FLRT1: variants seen among roughly 807,000 people sequenced by gnomAD.
FLRT1 encodes the protein fibronectin leucine rich transmembrane protein 1.
A neutral mutation model predicts 30.9 loss-of-function variants in FLRT1; 14 were observed. The observed-to-expected ratio is 0.45, with a 90% CI of 0.30 to 0.71. FLRT1 has a LOEUF of 0.71. FLRT1 is among the 30% of genes least tolerant of loss of function. The pLI, the probability that FLRT1 is intolerant of heterozygous loss-of-function variation, is 0.08. For synonymous variants in FLRT1, 368 were observed against 430.4 expected, an observed-to-expected ratio of 0.85 and a Z score of 1.80; for missense variants, 737 against 949.2, an observed-to-expected ratio of 0.78 and a Z score of 2.94.
chr11:64,051,648 T>G (rs1395504896), intron 1 of FLRT1, among the ~76,000 whole-genome samples: 1 of 152,180 alleles, frequency 6.6e-6, no homozygotes, highest in East Asian at 1.9e-4. Context: ...TGGCAGTGTG[T>G]ACATCAGCCC....
intron 2 of FLRT1, among the ~76,000 whole-genome samples, chr11:64,111,680 G>A (rs575045306): frequency 6.6e-6 from 1 of 152,300 alleles, no homozygotes; most frequent in East Asian, 1.9e-4. Flanking sequence ...TCTGGCCAGA[G>A]AGGTCACCCC....
chr11:64,052,454 A>G (rs949943086), intron 1 of FLRT1, among the ~76,000 whole-genome samples: 11 of 152,194 alleles, frequency 7.2e-5, no homozygotes, highest in African/African-American at 2.7e-4. Flanking sequence ...TGCTGGGACT[A>G]CAGGGGCAGG....
intron 1 of FLRT1, among the ~76,000 whole-genome samples, chr11:64,094,760 A>G (rs569047086): frequency 6.6e-6 from 1 of 152,360 alleles, no homozygotes; most frequent in African/African-American, 2.4e-5. Flanking sequence ...ACCAGGATTT[A>G]GAAAGTCACC....
chr11:64,036,332 T>A lies in FLRT1; in HGVS notation c.-1038+173T>A, dbSNP rs1181723213. On this transcript the variant is annotated intron_variant, in intron 1 of 2. Coordinates refer to ENST00000682287, the MANE Select transcript of FLRT1 (RefSeq NM_013280.5). This position sits in a 1 kb window ranked among gnomAD's most constrained non-coding sequence, Gnocchi z 5.6. The stretch of plus-strand genomic sequence containing the variant: ...GACGCCCAGCCTTTGGGATTTGGGG[T>A]GGGGGTCCCTGAGTCAAGAGCCAAG... Among the ~76,000 whole-genome samples the A allele has an allele frequency of 6.6e-6, 1 of 151,732 alleles. No homozygotes were observed.
intron 1 of FLRT1, among the ~76,000 whole-genome samples, chr11:64,085,147 A>G (rs947656366): frequency 2.6e-5 from 4 of 152,174 alleles, no homozygotes; most frequent in African/African-American, 9.6e-5. Flanking sequence ...GGTTCTGGGC[A>G]GAGGATGGGG....
chr11:64,036,423 C>A lies in FLRT1; in HGVS notation c.-1038+264C>A, dbSNP rs530061759. ...GGGGTGCGCGGCCGGCGGCTCAGCT[C>A]TCCCGAGCCGAGGCTGGAAAGGGCG... is the stretch of plus-strand genomic sequence containing the variant. On this transcript the variant is annotated intron_variant, in intron 1 of 2. Coordinates refer to ENST00000682287, the MANE Select transcript of FLRT1 (RefSeq NM_013280.5). This position sits in a 1 kb window ranked among gnomAD's most constrained non-coding sequence, Gnocchi z 5.6. Among the ~76,000 whole-genome samples the A allele has an allele frequency of 6.6e-6, 1 of 152,168 alleles. No homozygotes were observed. Among genetic ancestry groups the A allele is most frequent in the Non-Finnish European group, 1.5e-5 (1 of 68,008 alleles).
At chr11:64,041,591 A>T (rs139699193) in intron 1 of FLRT1, among the ~76,000 whole-genome samples, 5 of 151,162 alleles carry the variant, frequency 3.3e-5, no homozygotes. Flanking sequence ...GAACAGATGA[A>T]TGAATGGAAA....
chr11:64,086,295 T>G (rs901847595), intron 1 of FLRT1, among the ~76,000 whole-genome samples: 2 of 151,822 alleles, frequency 1.3e-5, no homozygotes. Context: ...TTAGGAGGCG[T>G]AAAGTGCATA....
intron 1 of FLRT1, among the ~76,000 whole-genome samples, chr11:64,097,579 ACT>A (rs752956585): frequency 1.6e-4 from 24 of 152,136 alleles, no homozygotes; most frequent in South Asian, 4.1e-4. Context: ...TGGCTCGCAC[ACT>A]CTCGCAAATA....
intron 1 of FLRT1, among the ~76,000 whole-genome samples, chr11:64,043,892 A>G (rs1590830468): frequency 6.6e-6 from 1 of 151,100 alleles, no homozygotes; most frequent in Admixed American, 6.6e-5. Flanking sequence ...GCTCACAGCA[A>G]CCTCTGTCTG....
At chr11:64,077,719 CAG>C (rs967766084) in intron 1 of FLRT1, among the ~76,000 whole-genome samples, 4 of 152,234 alleles carry the variant, frequency 2.6e-5, no homozygotes, top group East Asian at 1.9e-4. Flanking sequence ...AAACAGGTCT[CAG>C]GGGGTCACTA....
intron 1 of FLRT1, among the ~76,000 whole-genome samples, chr11:64,076,443 TG>T (rs1944202411): frequency 1.3e-5 from 2 of 151,714 alleles, no homozygotes; most frequent in Non-Finnish European, 2.9e-5. Context: ...ACTGGATGGA[TG>T]GATGGACGGA....
At chr11:64,040,482 A>G (rs1336245626) in intron 1 of FLRT1, among the ~76,000 whole-genome samples, 4 of 152,080 alleles carry the variant, frequency 2.6e-5, no homozygotes, top group Admixed American at 2.6e-4. Flanking sequence ...ATCCATCCCC[A>G]GCTCTCTCAG....
At chr11:64,044,112 G>A (rs939497720) in intron 1 of FLRT1, among the ~76,000 whole-genome samples, 7 of 151,484 alleles carry the variant, frequency 4.6e-5, no homozygotes, top group Admixed American at 2.6e-4. Flanking sequence ...CACTGTGCCC[G>A]GCCCAGGACA....
Position 64,116,484 on chromosome 11 carries a change from A to G in FLRT1, c.217A>G (p.Thr73Ala), listed in dbSNP as rs1723886363. ...GFIYCNDRGL[T>A]SIPADIPDDA... is the part of the protein sequence containing the mutation. ...CATCTACTGCAACGACCGGGGACTC[A>G]CATCCATCCCCGCAGATATCCCTGA... Residue 73 changes from threonine to alanine, a missense_variant, in exon 3 of 3, where the codon ACA becomes GCA. By Grantham distance (58) the Thr-to-Ala change is moderately conservative (BLOSUM62 0). Coordinates refer to ENST00000682287, the MANE Select transcript of FLRT1 (RefSeq NM_013280.5). 1 of 1,613,890 alleles carries G rather than the reference A, an allele frequency of 6.2e-7. No individual in the cohort carries two copies. Among genetic ancestry groups the G allele is most frequent in the East Asian group, 2.2e-5 (1 of 44,868 alleles).
intron 1 of FLRT1, among the ~76,000 whole-genome samples, chr11:64,073,722 A>G (rs890219405): frequency 7.2e-5 from 11 of 152,094 alleles, no homozygotes; most frequent in African/African-American, 2.2e-4. Context: ...TCGCCTCCCA[A>G]ACACACTCCT....
Position 64,041,199 on chromosome 11 carries a change from TAA to T in FLRT1, c.-1038+5069_-1038+5070del, listed in dbSNP as rs71045724. Among the ~76,000 whole-genome samples, 132 of 21,574 alleles carry T rather than the reference TAA, an allele frequency of 6.1e-3. 1 individual carries two copies. Among genetic ancestry groups the T allele is most frequent in the African/African-American group, 0.017 (108 of 6,182 alleles). 14.2% of individuals were successfully genotyped at this position (21,574 alleles called of 152,430 possible). A position where few individuals can be genotyped will look rare whatever the true frequency, so the allele number is the denominator to read the frequency against. ...AGATTACAACAGATTTAGCAAACTG[TAA>T]AAAAAAAAAAAAAAAAAAAAAAAAA... is the stretch of plus-strand genomic sequence containing the variant. On this transcript the variant is annotated intron_variant, in intron 1 of 2. Transcript: ENST00000682287.
At chr11:64,043,970 C>T (rs776411740) in intron 1 of FLRT1, among the ~76,000 whole-genome samples, 2 of 152,068 alleles carry the variant, frequency 1.3e-5, no homozygotes, top group Non-Finnish European at 2.9e-5. Context: ...CCCGCCACCA[C>T]GCCGGGCTAA....
intron 1 of FLRT1, among the ~76,000 whole-genome samples, chr11:64,056,304 A>G (rs1590847279): frequency 1.3e-5 from 2 of 152,166 alleles, no homozygotes; most frequent in East Asian, 3.9e-4. Context: ...TGCAGCCCCT[A>G]CACGTTTTGC....
Sources: gnomAD v4.1 joint callset for allele counts (sites outside exome capture counted in the v4.1 genomes callset) on GRCh38, gnomAD v4.1.1 for gene constraint, Gnocchi (gnomAD v3.1) non-coding constraint, MANE v1.5 for transcripts, NCBI Gene and HGNC (gene_info 2026-07-23, HGNC 2026-07-21) for gene names.